The following SCP2 variants were observed in gnomAD, a reference collection of about 807,000 sequenced individuals.
SCP2 encodes sterol carrier protein 2, also known as SCP-2/3-oxoacyl-CoA thiolase.
A neutral mutation model predicts 71.4 loss-of-function variants in SCP2; 48 were observed. The observed-to-expected ratio is 0.67, with a 90% CI of 0.53 to 0.86. SCP2 has a LOEUF of 0.86. Ranked by LOEUF, SCP2 falls within the 40% of genes least tolerant of loss-of-function variation. SCP2 has a pLI of 0.00. For synonymous variants in SCP2, 220 were observed against 218.1 expected (o/e 1.01, Z -0.08); for missense variants, 560 against 655.6 (o/e 0.85, Z 1.59).
chr1:52,969,217 A>G (rs528283085), intron 6 of SCP2, among the ~76,000 whole-genome samples: 157 of 151,998 alleles, frequency 1.0e-3, no homozygotes, highest in African/African-American at 3.4e-3. Context: ...GTGTTGTTCA[A>G]GAGTCAAATA....
chr1:53,004,778 C>T (rs540311192), intron 11 of SCP2, among the ~76,000 whole-genome samples: 15 of 152,264 alleles, frequency 9.9e-5, no homozygotes, highest in South Asian at 6.2e-4. Flanking sequence ...TGGGGCTTGT[C>T]GGACAGTGGG....
chr1:52,948,136 T>A, intron 3 of SCP2, 56 bp downstream of exon 3: 1 of 1,028,882 alleles, frequency 9.7e-7, no homozygotes, highest in Non-Finnish European at 1.5e-6. Context: ...GCAGCAACTA[T>A]ACAAACAATG....
chr1:52,971,934 C>G (rs544464456), intron 6 of SCP2, among the ~76,000 whole-genome samples: 50 of 152,206 alleles, frequency 3.3e-4, no homozygotes, highest in Non-Finnish European at 6.2e-4. Flanking sequence ...CTATGACCTG[C>G]CTTGGGGAAG....
chr1:52,995,177 TC>T (rs1659837787), intron 11 of SCP2: 2 of 493,322 alleles, frequency 4.1e-6, no homozygotes, highest in Non-Finnish European at 8.2e-6. Context: ...ATCAGCAAGA[TC>T]CGAGAAGAGT....
At chr1:52,980,319 A>G in intron 9 of SCP2, 77 bp from the exon 10 acceptor site, 2 of 1,327,838 alleles carry the variant, frequency 1.5e-6, no homozygotes, top group Non-Finnish European at 2.1e-6. Context: ...AAGGTTATGC[A>G]TCTATTAATC....
chr1:53,047,747 C>G, intron 14 of SCP2, 111 bp from the exon 15 acceptor site: 1 of 759,206 alleles, frequency 1.3e-6, no homozygotes, highest in Admixed American at 1.9e-5. Flanking sequence ...TTTCCCCACA[C>G]TGCCTCAGTG....
At chr1:52,982,366 C>G (rs888044836) in intron 10 of SCP2, among the ~76,000 whole-genome samples, 1 of 152,098 alleles carries the variant, frequency 6.6e-6, no homozygotes, top group Non-Finnish European at 1.5e-5. Flanking sequence ...GTCAGGAGAT[C>G]GAGACCATCC....
chr1:52,993,482 T>A (rs41294534), intron 11 of SCP2: 24 of 1,613,604 alleles, frequency 1.5e-5, no homozygotes, highest in Non-Finnish European at 2.0e-5. Context: ...TCTGAGAATC[T>A]GTCTTTGAAA....
At chr1:52,993,401 A>G in intron 11 of SCP2, 3 of 1,614,060 alleles carry the variant, frequency 1.9e-6, no homozygotes, top group Non-Finnish European at 2.5e-6. Flanking sequence ...TTCCTGTGTT[A>G]CCTGTCTTTG....
intron 2 of SCP2, among the ~76,000 whole-genome samples, chr1:52,946,020 C>T (rs933448010): frequency 9.2e-5 from 14 of 151,680 alleles, no homozygotes; most frequent in African/African-American, 2.9e-4. Flanking sequence ...CCTTGACCTC[C>T]TGGGCTCAAG....
intron 15 of SCP2, chr1:53,048,358 G>A (rs971822486): frequency 3.9e-6 from 1 of 256,442 alleles, no homozygotes; most frequent in Non-Finnish European, 7.9e-6. Flanking sequence ...ATGAACAAAG[G>A]CCTGACCTTT....
intron 5 of SCP2, 110 bp from the exon 6 acceptor site, chr1:52,961,393 C>T (rs1348950829): frequency 1.8e-6 from 2 of 1,112,682 alleles, no homozygotes; most frequent in African/African-American, 3.1e-5. Context: ...TTGACAATTT[C>T]TGGTGTACTA....
At chr1:52,932,327 T>C (rs1196541061) in intron 1 of SCP2, among the ~76,000 whole-genome samples, 1 of 152,248 alleles carries the variant, frequency 6.6e-6, no homozygotes, top group Admixed American at 6.5e-5. Context: ...GACAGAATAA[T>C]GCTTTCAAAA....
At chr1:52,947,936 T>C (rs921034242) in intron 2 of SCP2, 73 bp from the exon 3 acceptor site, 76 of 1,028,508 alleles carry the variant, frequency 7.4e-5, no homozygotes, top group Non-Finnish European at 1.1e-5. Context: ...TTGAGAAAAC[T>C]CTAAACTTAA....
intron 2 of SCP2, among the ~76,000 whole-genome samples, chr1:52,946,541 G>T (rs11206047): frequency 0.042 from 6,453 of 152,118 alleles, 398 homozygotes; most frequent in African/African-American, 0.13. Context: ...GTTTACACCC[G>T]TAGAGTCTCA....
Position 52,976,696 on chromosome 1 carries a change from C to T in SCP2, c.601C>T (p.Gln201Ter). ...TTTTGTATTTAGGTATTCCCAGTTCCAAGATGAATACAGTTTAGATGAAGT... is the reference window on the plus strand; with the variant it reads ...TTTTGTATTTAGGTATTCCCAGTTCTAAGATGAATACAGTTTAGATGAAGT... The part of the protein sequence containing the change: ...HSVNNPYSQF[Q>*]DEYSLDEVMA... Residue 201 changes from glutamine (Q) to a stop codon, truncating the protein, a stop_gained, in exon 8 of 16, where the codon CAA becomes TAA. Coordinates refer to ENST00000371514, the MANE Select transcript of SCP2 (RefSeq NM_002979.5). LOFTEE classifies it high-confidence loss of function. 1.9e-6 allele frequency: 3 copies of T among 1,546,464 alleles called. No individual in the cohort carries two copies. The highest frequency in any genetic ancestry group is 2.7e-6 in the Non-Finnish European group (3 of 1,119,070).
chr1:52,996,000 G>T, intron 11 of SCP2: 2 of 1,409,132 alleles, frequency 1.4e-6, no homozygotes, highest in South Asian at 2.1e-5. Flanking sequence ...GGAGGATTTT[G>T]GTGAGGAGGC....
chr1:53,017,303 A>G (rs1178928905), intron 12 of SCP2, among the ~76,000 whole-genome samples: 1 of 152,190 alleles, frequency 6.6e-6, no homozygotes, highest in Non-Finnish European at 1.5e-5. Context: ...CACCATAATC[A>G]AAATATAAAA....
intron 4 of SCP2, among the ~76,000 whole-genome samples, chr1:52,952,404 A>G (rs1655398370): frequency 6.6e-6 from 1 of 152,132 alleles, no homozygotes; most frequent in Non-Finnish European, 1.5e-5. Flanking sequence ...AAAAAATAAA[A>G]TAAGTAGAAA....
Sources: gnomAD v4.1 joint callset for allele counts (sites outside exome capture counted in the v4.1 genomes callset) on GRCh38, gnomAD v4.1.1 for gene constraint, MANE v1.5 for transcripts, NCBI Gene and HGNC (gene_info 2026-07-23, HGNC 2026-07-21) for gene names.